The following RALYL variants were observed in gnomAD, a reference collection of about 807,000 sequenced individuals.
The protein encoded by RALYL is RALY RNA binding protein like.
Under a neutral mutation model 35.1 loss-of-function variants are expected in RALYL, and 29 were observed. The ratio of observed to expected loss-of-function variants is 0.83; its 90% CI spans 0.61 to 1.13. The LOEUF (loss-of-function observed/expected upper bound fraction) is 1.13. Ranked by LOEUF, RALYL falls within the 50% of genes most tolerant of loss-of-function variation. The pLI is 0.00. For synonymous variants in RALYL, 120 were observed against 127.6 expected, an observed-to-expected ratio of 0.94 and a Z score of 0.40; for missense variants, 359 against 360.4, an observed-to-expected ratio of 1.00 and a Z score of 0.03.
intron 1 of RALYL, among the ~76,000 whole-genome samples, chr8:84,360,148 C>T (rs1365697962): frequency 6.6e-6 from 1 of 152,156 alleles, no homozygotes; most frequent in Admixed American, 6.6e-5. Context: ...GCTGGGATTA[C>T]AGGCATGAGC....
At chr8:84,470,664 T>C (rs974974743) in intron 1 of RALYL, among the ~76,000 whole-genome samples, 2 of 152,204 alleles carry the variant, frequency 1.3e-5, no homozygotes, top group Non-Finnish European at 2.9e-5. Context: ...CCCCAGTGAC[T>C]TCTAAATGGT....
chr8:84,789,727 G>A (rs1346806763), intron 3 of RALYL, among the ~76,000 whole-genome samples: 1 of 152,096 alleles, frequency 6.6e-6, no homozygotes, highest in African/African-American at 2.4e-5. Flanking sequence ...GTGTGGTCAT[G>A]TACACTTGTA....
chr8:84,285,884 G>C (rs1837501347), intron 1 of RALYL, among the ~76,000 whole-genome samples: 2 of 152,152 alleles, frequency 1.3e-5, no homozygotes, highest in Admixed American at 1.3e-4. Context: ...ATTTTGAGTA[G>C]AGGAATAACA....
At chr8:84,216,901 C>T (rs937345368) in intron 1 of RALYL, among the ~76,000 whole-genome samples, 3 of 152,232 alleles carry the variant, frequency 2.0e-5, no homozygotes, top group Middle Eastern at 6.8e-3. Context: ...TTTGCTCATC[C>T]ATATGAGCTA....
rs573590611 is a variant in RALYL at position 84,905,717 on chromosome 8, G to C, written c.859-15177G>C. Among the ~76,000 whole-genome samples, 149 of 88,794 alleles carry C rather than the reference G, an allele frequency of 1.7e-3. 1 individual carries two copies. The highest frequency in any genetic ancestry group is 6.2e-3 in the African/African-American group (139 of 22,494). 58.3% of individuals were successfully genotyped at this position (88,794 alleles called of 152,430 possible). On this transcript the variant is annotated intron_variant, in intron 8 of 8. Transcript: ENST00000521268. ...TGAATACTATTTTTTTTTTTTTTGA[G>C]ACAGAGTCTTGCTCTGTCGCCCAGG... is the stretch of plus-strand genomic sequence containing the variant.
At chr8:84,731,923 C>T (rs981158678) in intron 2 of RALYL, among the ~76,000 whole-genome samples, 3 of 152,104 alleles carry the variant, frequency 2.0e-5, no homozygotes, top group African/African-American at 7.2e-5. Context: ...TAAGCTGGGA[C>T]TTTGTTCATG....
At chr8:84,617,388 CTGTT>C (rs1246364078) in intron 2 of RALYL, among the ~76,000 whole-genome samples, 2 of 149,156 alleles carry the variant, frequency 1.3e-5, no homozygotes, top group African/African-American at 2.5e-5. Context: ...ATTTGGCTCT[CTGTT>C]TGTCTGTTGT....
At chr8:84,628,642 A>T (rs1823266981) in intron 2 of RALYL, among the ~76,000 whole-genome samples, 1 of 152,048 alleles carries the variant, frequency 6.6e-6, no homozygotes. Flanking sequence ...TTTTGTTGAG[A>T]AATATCGGGG....
At chr8:84,544,075 T>G (rs2060197223) in intron 2 of RALYL, among the ~76,000 whole-genome samples, 1 of 151,980 alleles carries the variant, frequency 6.6e-6, no homozygotes, top group Admixed American at 6.6e-5. Flanking sequence ...TGCAGAATAT[T>G]CCAGAGAATA....
chr8:84,762,120 G>A (rs1812857461), intron 2 of RALYL, among the ~76,000 whole-genome samples: 1 of 152,086 alleles, frequency 6.6e-6, no homozygotes, highest in African/African-American at 2.4e-5. Flanking sequence ...TAAAGGGGCA[G>A]TAGCAGGATA....
chr8:84,795,077 A>G (rs1821609842), intron 3 of RALYL, among the ~76,000 whole-genome samples: 1 of 152,220 alleles, frequency 6.6e-6, no homozygotes, highest in African/African-American at 2.4e-5. Context: ...TTTCAGTTGC[A>G]GAGATTTCAG....
chr8:84,697,563 T>C (rs1398918538), intron 2 of RALYL, among the ~76,000 whole-genome samples: 1 of 152,108 alleles, frequency 6.6e-6, no homozygotes, highest in Admixed American at 6.6e-5. Context: ...TGAATATCTT[T>C]AGAATCACAA....
At chr8:84,188,724 T>A (rs1813146690) in intron 1 of RALYL, among the ~76,000 whole-genome samples, 1 of 152,126 alleles carries the variant, frequency 6.6e-6, no homozygotes, top group Admixed American at 6.5e-5. Flanking sequence ...ATTATTAAAT[T>A]TTGATGTGCA....
chr8:84,538,096 C>A (rs2059745986), intron 2 of RALYL, among the ~76,000 whole-genome samples: 2 of 152,150 alleles, frequency 1.3e-5, no homozygotes, highest in South Asian at 2.1e-4. Context: ...AATTAGCAAG[C>A]CTCCACGATA....
intron 1 of RALYL, among the ~76,000 whole-genome samples, chr8:84,222,720 T>C (rs1446733917): frequency 1.3e-5 from 2 of 152,152 alleles, no homozygotes; most frequent in Non-Finnish European, 2.9e-5. Flanking sequence ...TCTTGCTGCA[T>C]GCAAAGACCT....
At chr8:84,773,984 T>C (rs1816218958) in intron 2 of RALYL, among the ~76,000 whole-genome samples, 1 of 152,184 alleles carries the variant, frequency 6.6e-6, no homozygotes, top group Non-Finnish European at 1.5e-5. Context: ...TTCGGGAGGC[T>C]GAGGCAGGAG....
At chr8:84,588,231 A>G (rs1227101885) in intron 2 of RALYL, among the ~76,000 whole-genome samples, 1 of 152,196 alleles carries the variant, frequency 6.6e-6, no homozygotes, top group East Asian at 1.9e-4. Flanking sequence ...AGGAATGTAC[A>G]TGGACATCTG....
intron 1 of RALYL, among the ~76,000 whole-genome samples, chr8:84,369,966 C>A (rs1380368818): frequency 3.3e-5 from 5 of 152,010 alleles, no homozygotes; most frequent in African/African-American, 1.2e-4. Context: ...CATGCAACAC[C>A]AGCTATGATT....
intron 2 of RALYL, among the ~76,000 whole-genome samples, chr8:84,646,498 A>G (rs1827527270): frequency 6.6e-6 from 1 of 151,968 alleles, no homozygotes; most frequent in African/African-American, 2.4e-5. Flanking sequence ...GGTTGGTTTT[A>G]TGGGAAAAAT....
Sources: allele counts gnomAD v4.1 joint callset (sites outside exome capture counted in the v4.1 genomes callset), GRCh38; gene constraint gnomAD v4.1.1; transcripts MANE v1.5; gene names NCBI Gene and HGNC (gene_info 2026-07-23, HGNC 2026-07-21).